The following TAFA2 variants were observed in gnomAD, a reference collection of about 807,000 sequenced individuals.
TAFA2 encodes TAFA chemokine like family member 2.
TAFA2 carries 7 observed loss-of-function variants against 18.8 expected under a neutral mutation model. The ratio of observed to expected loss-of-function variants is 0.37; its 90% CI spans 0.21 to 0.70. The LOEUF is 0.70. Among genes scored for constraint, TAFA2 ranks in the 30% least tolerant of loss-of-function variants. The pLI, the probability that TAFA2 is intolerant of heterozygous loss-of-function variation, is 0.53. For missense variants in TAFA2, 122 were observed against 158.1 expected (o/e 0.77, Z 1.23); for synonymous variants, 60 against 54.2 (o/e 1.11, Z -0.47).
At chr12:62,076,886 T>C (rs896585501) in intron 1 of TAFA2, among the ~76,000 whole-genome samples, 1 of 152,108 alleles carries the variant, frequency 6.6e-6, no homozygotes, top group Non-Finnish European at 1.5e-5. Context: ...TCAAAGACTT[T>C]CAGGAAAAAA....
chr12:61,956,315 G>T (rs781190255), intron 1 of TAFA2, among the ~76,000 whole-genome samples: 9 of 151,932 alleles, frequency 5.9e-5, no homozygotes, highest in Non-Finnish European at 1.3e-4. Context: ...GGTGGATAAA[G>T]AATTTCACTG....
intron 2 of TAFA2, among the ~76,000 whole-genome samples, chr12:61,785,801 C>T (rs983308799): frequency 1.1e-4 from 17 of 151,556 alleles, no homozygotes; most frequent in Non-Finnish European, 2.4e-4. Flanking sequence ...GCTAATGACA[C>T]ATTTCTCAAA....
intron 1 of TAFA2, among the ~76,000 whole-genome samples, chr12:61,952,102 A>T (rs916163733): frequency 6.6e-6 from 1 of 152,060 alleles, no homozygotes; most frequent in Non-Finnish European, 1.5e-5. Flanking sequence ...TTCTTTATTT[A>T]TGTGTGTGCA....
At chr12:62,156,612 C>T (rs1284684671) in intron 1 of TAFA2, among the ~76,000 whole-genome samples, 1 of 152,008 alleles carries the variant, frequency 6.6e-6, no homozygotes, top group Non-Finnish European at 1.5e-5. Flanking sequence ...TGATGAAATA[C>T]TACTTAGCCA....
At chr12:62,034,156 T>C (rs17125704) in intron 1 of TAFA2, among the ~76,000 whole-genome samples, 21,563 of 152,066 alleles carry the variant, frequency 0.14, 1,646 homozygotes, top group African/African-American at 0.18. Context: ...TGATAAGCGG[T>C]GATTTGATGC....
chr12:61,901,883 G>C lies in TAFA2; in HGVS notation c.-1-34457C>G, dbSNP rs182311396. On this transcript the variant is annotated intron_variant, in intron 1 of 4. Transcript: ENST00000416284. ...TATATAATTTCTAAGAATGGGTTCT[G>C]TTTCTTTGAATATTTTCATGCATAC... Among the ~76,000 whole-genome samples, 183 of 152,126 alleles carry C rather than the reference G, an allele frequency of 1.2e-3. 1 individual carries two copies. The highest frequency in any genetic ancestry group is 9.7e-3 in the South Asian group (47 of 4,824).
chr12:62,206,187 T>C (rs1216454120), intron 1 of TAFA2, among the ~76,000 whole-genome samples: 1 of 152,162 alleles, frequency 6.6e-6, no homozygotes, highest in African/African-American at 2.4e-5. Context: ...CCCCACCATA[T>C]GTATTTTATC....
At chr12:62,235,390 CA>C in intron 1 of TAFA2, 4 of 646,466 alleles carry the variant, frequency 6.2e-6, no homozygotes, top group Non-Finnish European at 2.8e-6. Context: ...CCGGAGCTTC[CA>C]GAAGATGAGT....
At chr12:61,769,580 C>T (rs1869938333) in intron 2 of TAFA2, among the ~76,000 whole-genome samples, 1 of 151,990 alleles carries the variant, frequency 6.6e-6, no homozygotes, top group African/African-American at 2.4e-5. Flanking sequence ...TGAAGACACC[C>T]CCCAGTACTT....
intron 1 of TAFA2, among the ~76,000 whole-genome samples, chr12:62,031,839 T>A (rs1174364063): frequency 1.3e-5 from 2 of 152,202 alleles, no homozygotes; most frequent in Admixed American, 1.3e-4. Context: ...GGTGGCCTAC[T>A]TTATTGTTAG....
intron 1 of TAFA2, among the ~76,000 whole-genome samples, chr12:62,004,053 T>C (rs767945086): frequency 2.0e-5 from 3 of 152,176 alleles, no homozygotes; most frequent in Non-Finnish European, 4.4e-5. Flanking sequence ...TCACTTTTGG[T>C]TTATAGTTAT....
At chr12:61,913,960 T>A (rs1317313995) in intron 1 of TAFA2, among the ~76,000 whole-genome samples, 1 of 152,162 alleles carries the variant, frequency 6.6e-6, no homozygotes, top group Non-Finnish European at 1.5e-5. Flanking sequence ...AATATGAATT[T>A]TTGGAAACGG....
intron 1 of TAFA2, among the ~76,000 whole-genome samples, chr12:62,107,977 A>T (rs1397409407): frequency 1.3e-5 from 2 of 151,976 alleles, no homozygotes; most frequent in Admixed American, 6.6e-5. Flanking sequence ...CTTTTAATTC[A>T]CTTCCATATA....
At chr12:61,967,354 T>C (rs891678387) in intron 1 of TAFA2, among the ~76,000 whole-genome samples, 5 of 151,776 alleles carry the variant, frequency 3.3e-5, no homozygotes, top group Non-Finnish European at 5.9e-5. Flanking sequence ...TCCAAAGAGA[T>C]TCTATAGCAG....
chr12:61,986,551 G>A (rs371304912), intron 1 of TAFA2, among the ~76,000 whole-genome samples: 14 of 151,086 alleles, frequency 9.3e-5, no homozygotes, highest in East Asian at 3.9e-4. Context: ...CACTCATCTC[G>A]GCCTCCCAAA....
chr12:61,780,831 T>G (rs1305580135), intron 2 of TAFA2, among the ~76,000 whole-genome samples: 2 of 151,888 alleles, frequency 1.3e-5, no homozygotes, highest in East Asian at 3.9e-4. Flanking sequence ...TCACTTATAT[T>G]GCAACGGTCT....
intron 2 of TAFA2, among the ~76,000 whole-genome samples, chr12:61,794,080 A>T (rs2120936115): frequency 6.6e-6 from 1 of 152,102 alleles, no homozygotes; most frequent in African/African-American, 2.4e-5. Context: ...ATCTATGGAA[A>T]ATCTACAACT....
intron 1 of TAFA2, among the ~76,000 whole-genome samples, chr12:62,087,835 G>A (rs932129674): frequency 1.3e-5 from 2 of 152,114 alleles, no homozygotes; most frequent in African/African-American, 2.4e-5. Flanking sequence ...CAGTAGGGAC[G>A]GTGGTGGCTT....
intron 1 of TAFA2, among the ~76,000 whole-genome samples, chr12:61,983,476 C>T (rs1050987167): frequency 6.6e-6 from 1 of 151,992 alleles, no homozygotes; most frequent in African/African-American, 2.4e-5. Flanking sequence ...GGTGCAATCT[C>T]GGCTCACTGC....
Sources: gnomAD v4.1 joint callset for allele counts (sites outside exome capture counted in the v4.1 genomes callset) on GRCh38, gnomAD v4.1.1 for gene constraint, MANE v1.5 for transcripts, NCBI Gene and HGNC (gene_info 2026-07-23, HGNC 2026-07-21) for gene names.